DYDC1: variants seen among roughly 807,000 people sequenced by gnomAD.
DYDC1 encodes DPY30 domain-containing protein 1.
Under a neutral mutation model 27.9 loss-of-function variants are expected in DYDC1, and 21 were observed. That is an observed-to-expected ratio of 0.75 (90% CI 0.53 to 1.08). The LOEUF (loss-of-function observed/expected upper bound fraction) is 1.08, where lower values mean the gene tolerates loss of function less well. Ranked by LOEUF, DYDC1 falls within the 50% of genes least tolerant of loss-of-function variation. The pLI, the probability that DYDC1 is intolerant of heterozygous loss-of-function variation, is 0.00. For synonymous variants in DYDC1, 67 were observed against 65.8 expected, an observed-to-expected ratio of 1.02 and a Z score of -0.09; for missense variants, 202 against 205.9, an observed-to-expected ratio of 0.98 and a Z score of 0.12.
chr10:80,352,312 T>C, intron 2 of DYDC1, 143 bp downstream of exon 2: 1 of 1,230,368 alleles, frequency 8.1e-7, no homozygotes, highest in Non-Finnish European at 1.1e-6. Flanking sequence ...GTTTTCTCCT[T>C]CCTGCTTTTC....
chr10:80,351,883 C>T lies in DYDC1; in HGVS notation c.249+18G>A, dbSNP rs1298652605. ...ATCGTTAATTCCAGTCCCCTCTGAA[C>T]TCTCCTACTTGCCTCACCTGCTGAA... On this transcript the variant is annotated intron_variant, in intron 3 of 6. Coordinates refer to ENST00000372202, the MANE Select transcript of DYDC1 (RefSeq NM_001269053.2). 2 of 1,612,860 alleles carry T rather than the reference C, an allele frequency of 1.2e-6. No individual in the cohort carries two copies. Among genetic ancestry groups the T allele is most frequent in the South Asian group, 2.2e-5 (2 of 90,990 alleles).
In DYDC1 at chr10:80,337,438, C is replaced by T; in HGVS notation, c.504+1029G>A. The T allele has an allele frequency of 1.1e-5, 11 of 985,424 alleles. No individual in the cohort carries two copies. The South Asian group carries it at 4.2e-4, about 38-fold the overall frequency. 61.0% of individuals were successfully genotyped at this position (985,424 alleles called of 1,614,324 possible). On this transcript the variant is annotated intron_variant, in intron 6 of 6. Transcript: ENST00000372202. The stretch of plus-strand genomic sequence containing the variant: ...TTACTTCAGGCCATCGACATCTTGT[C>T]CCCTAGATTACTACCTCCTAAGCCA...
intron 6 of DYDC1, 32 bp downstream of exon 6, chr10:80,338,435 C>A (rs754471040): frequency 6.2e-7 from 1 of 1,606,852 alleles, no homozygotes; most frequent in Non-Finnish European, 8.5e-7. Flanking sequence ...AAAACAAAAA[C>A]GAGTTTTTTC....
intron 6 of DYDC1, 83 bp downstream of exon 6, chr10:80,338,384 A>AT (rs1564658008): frequency 6.4e-7 from 1 of 1,554,692 alleles, no homozygotes; most frequent in South Asian, 1.2e-5. Context: ...GCCTAGCCTC[A>AT]TTTTCCCTAG....
chr10:80,356,659 G>A (rs2067467326), intron 1 of DYDC1, 53 bp downstream of exon 1: 1 of 983,976 alleles, frequency 1.0e-6, no homozygotes, highest in Non-Finnish European at 1.2e-6. Context: ...CGGACCCAGC[G>A]AAGCTAGGGG....
At chr10:80,343,464 A>AAG (rs1477993895) in intron 3 of DYDC1, among the ~76,000 whole-genome samples, 1 of 152,142 alleles carries the variant, frequency 6.6e-6, no homozygotes, top group African/African-American at 2.4e-5. Flanking sequence ...ATTTAAAAAA[A>AAG]TTATATCCAT....
chr10:80,346,719 C>CG (rs1842663300), intron 3 of DYDC1, among the ~76,000 whole-genome samples: 1 of 151,788 alleles, frequency 6.6e-6, no homozygotes, highest in Non-Finnish European at 1.5e-5. Flanking sequence ...CTCAGCCTCC[C>CG]GAAGTGCTGG....
chr10:80,356,307 C>T, intron 1 of DYDC1: 5 of 985,638 alleles, frequency 5.1e-6, no homozygotes, highest in Non-Finnish European at 6.0e-6. Flanking sequence ...AAACAGCTGC[C>T]TCCAGCGTGA....
rs1433182232 is a variant in DYDC1 at position 80,342,394 on chromosome 10, A to G, written c.250-33T>C. On this transcript the variant is annotated intron_variant, in intron 3 of 6. Coordinates refer to ENST00000372202, the MANE Select transcript of DYDC1 (RefSeq NM_001269053.2). Reference sequence around the variant, plus strand: ...TTCAGAAATATGTCATATTACAGTTAGATTAATTGCAAGATAATTAAGTTT... The same window carrying G: ...TTCAGAAATATGTCATATTACAGTTGGATTAATTGCAAGATAATTAAGTTT... The G allele has an allele frequency of 1.0e-5, 16 of 1,601,854 alleles. No homozygotes were observed. In the East Asian group the frequency reaches 3.4e-4, roughly 34 times the overall value.
chr10:80,351,793 C>A, intron 3 of DYDC1, 108 bp downstream of exon 3: 1 of 934,818 alleles, frequency 1.1e-6, no homozygotes. Context: ...TATTAGGAAG[C>A]CATATCTAAA....
intron 4 of DYDC1, among the ~76,000 whole-genome samples, chr10:80,340,107 G>A (rs1842268746): frequency 6.6e-6 from 1 of 152,218 alleles, no homozygotes; most frequent in Non-Finnish European, 1.5e-5. Flanking sequence ...CCCATGTGCA[G>A]CAAAGCAGCC....
intron 3 of DYDC1, 134 bp downstream of exon 3, chr10:80,351,767 T>A (rs952604263): frequency 2.6e-6 from 2 of 762,682 alleles, no homozygotes; most frequent in Non-Finnish European, 4.2e-6. Flanking sequence ...GACACACACA[T>A]CCATAAAGAT....
chr10:80,351,037 A>C (rs1589518151), intron 3 of DYDC1, among the ~76,000 whole-genome samples: 2 of 152,184 alleles, frequency 1.3e-5, no homozygotes, highest in East Asian at 1.9e-4. Flanking sequence ...TCAGTACTTG[A>C]TCTTCAACTG....
chr10:80,336,692 C>T (rs1842145228), intron 6 of DYDC1, among the ~76,000 whole-genome samples: 1 of 152,182 alleles, frequency 6.6e-6, no homozygotes, highest in African/African-American at 2.4e-5. Context: ...TTTTAAAAAC[C>T]TGCTTCCTCT....
chr10:80,351,155 C>A (rs1842951423), intron 3 of DYDC1, among the ~76,000 whole-genome samples: 1 of 152,194 alleles, frequency 6.6e-6, no homozygotes, highest in Non-Finnish European at 1.5e-5. Context: ...CAACCTTGTT[C>A]TTAGCAAGTG....
At chr10:80,355,087 A>G (rs1843276912) in intron 1 of DYDC1, among the ~76,000 whole-genome samples, 1 of 148,260 alleles carries the variant, frequency 6.7e-6, no homozygotes, top group African/African-American at 2.5e-5. Flanking sequence ...AGCTAAGCTT[A>G]CATTTACTGA....
chr10:80,338,629 T>TTC (rs1310219651), intron 5 of DYDC1, 58 bp from the exon 6 acceptor site: 1 of 1,428,032 alleles, frequency 7.0e-7, no homozygotes, highest in Non-Finnish European at 9.2e-7. Flanking sequence ...TACATTACTT[T>TTC]TCTTTCAATT....
intron 3 of DYDC1, 82 bp from the exon 4 acceptor site, chr10:80,342,443 TTACAA>T (rs1223004815): frequency 1.5e-6 from 2 of 1,317,562 alleles, no homozygotes; most frequent in Admixed American, 1.8e-5. Context: ...TTTCAGAAAC[TTACAA>T]TACATGGTCA....
chr10:80,347,689 A>G (rs965422869), intron 3 of DYDC1, among the ~76,000 whole-genome samples: 1 of 152,160 alleles, frequency 6.6e-6, no homozygotes, highest in Non-Finnish European at 1.5e-5. Context: ...AGTTGTCCCA[A>G]CACCGTTCAT....
Sources: gnomAD v4.1 joint callset for allele counts (sites outside exome capture counted in the v4.1 genomes callset) on GRCh38, gnomAD v4.1.1 for gene constraint, MANE v1.5 for transcripts, NCBI Gene and HGNC (gene_info 2026-07-23, HGNC 2026-07-21) for gene names.